GALNTL6: variants seen among roughly 807,000 people sequenced by gnomAD.
GALNTL6 encodes polypeptide N-acetylgalactosaminyltransferase-like 6.
A neutral mutation model predicts 73.7 loss-of-function variants in GALNTL6; 46 were observed. The observed-to-expected ratio is 0.62, with a 90% CI of 0.49 to 0.80. The LOEUF (loss-of-function observed/expected upper bound fraction) is 0.80. Ranked by LOEUF, GALNTL6 falls within the 30% of genes least tolerant of loss-of-function variation. GALNTL6 has a pLI of 0.00. For synonymous variants in GALNTL6, 259 were observed against 263.7 expected, an observed-to-expected ratio of 0.98 and a Z score of 0.17; for missense variants, 604 against 755.0, an observed-to-expected ratio of 0.80 and a Z score of 2.34.
chr4:172,227,462 C>A (rs1279293436), intron 2 of GALNTL6, among the ~76,000 whole-genome samples: 2 of 152,084 alleles, frequency 1.3e-5, no homozygotes, highest in Non-Finnish European at 2.9e-5. Context: ...AGTGGATGGC[C>A]CTCAGAAATC....
In GALNTL6 at chr4:172,609,282, G is replaced by T. The variant is rs142929503; in HGVS notation, c.554-200079G>T. Among the ~76,000 whole-genome samples the T allele has an allele frequency of 3.2e-3, 485 of 152,252 alleles. 5 individuals carry two copies. Among genetic ancestry groups the T allele is most frequent in the African/African-American group, 0.011 (461 of 41,560 alleles). On this transcript the variant is annotated intron_variant, in intron 5 of 12. Transcript: ENST00000506823. ...TCATTATGATGTTAACTGTAGGTTT[G>T]TCATAGATGGCTCTTATTATTCTGA...
chr4:172,334,475 T>C (rs778597144), intron 4 of GALNTL6, among the ~76,000 whole-genome samples: 1 of 152,202 alleles, frequency 6.6e-6, no homozygotes, highest in Non-Finnish European at 1.5e-5. Flanking sequence ...TTTGGTAAAA[T>C]TTATTCTTAG....
chr4:172,815,210 A>G (rs1463947533), intron 7 of GALNTL6, among the ~76,000 whole-genome samples: 4 of 152,316 alleles, frequency 2.6e-5, no homozygotes, highest in Middle Eastern at 3.4e-3. Context: ...CCATTCGACA[A>G]TATGTACGTA....
At chr4:172,266,732 A>AT (rs1279034095) in intron 3 of GALNTL6, among the ~76,000 whole-genome samples, 1 of 151,972 alleles carries the variant, frequency 6.6e-6, no homozygotes, top group East Asian at 1.9e-4. Context: ...AGCTATTTCC[A>AT]TTTTTATGGC....
chr4:172,487,371 T>TTTC (rs1733732832), intron 5 of GALNTL6, among the ~76,000 whole-genome samples: 1 of 145,370 alleles, frequency 6.9e-6, no homozygotes, highest in African/African-American at 2.6e-5. Context: ...TCTTTCCTTC[T>TTTC]TTTCTTTTCT....
intron 2 of GALNTL6, among the ~76,000 whole-genome samples, chr4:171,980,036 AATAAAC>A (rs1739850314): frequency 6.6e-6 from 1 of 152,208 alleles, no homozygotes; most frequent in Admixed American, 6.5e-5. Context: ...TAGTTGCTTT[AATAAAC>A]CAAGGCAAAA....
At chr4:172,263,017 G>T (rs1237647332) in intron 3 of GALNTL6, among the ~76,000 whole-genome samples, 7 of 151,376 alleles carry the variant, frequency 4.6e-5, no homozygotes, top group African/African-American at 1.7e-4. Flanking sequence ...TCTTGTATAA[G>T]TTACCTGAAT....
chr4:172,371,596 CCT>C (rs1348695854), intron 5 of GALNTL6, among the ~76,000 whole-genome samples: 16 of 151,712 alleles, frequency 1.1e-4, no homozygotes, highest in Non-Finnish European at 2.1e-4. Context: ...TTTGTCTCTT[CCT>C]CTCTTTCCTT....
chr4:172,395,151 C>A (rs563867502), intron 5 of GALNTL6, among the ~76,000 whole-genome samples: 1 of 152,262 alleles, frequency 6.6e-6, no homozygotes, highest in Non-Finnish European at 1.5e-5. Context: ...TGTTAATTAA[C>A]TTATGTCCAA....
chr4:172,784,373 A>G (rs1739537673), intron 5 of GALNTL6, among the ~76,000 whole-genome samples: 1 of 152,192 alleles, frequency 6.6e-6, no homozygotes, highest in Non-Finnish European at 1.5e-5. Flanking sequence ...CAGAAGCAGT[A>G]TTAAAACTTT....
At chr4:172,152,461 A>G (rs1734120312) in intron 2 of GALNTL6, among the ~76,000 whole-genome samples, 1 of 152,200 alleles carries the variant, frequency 6.6e-6, no homozygotes, top group Admixed American at 6.5e-5. Context: ...TCATGCCCAC[A>G]CTCACATGTG....
chr4:172,018,628 A>G (rs1026917893), intron 2 of GALNTL6, among the ~76,000 whole-genome samples: 1 of 152,038 alleles, frequency 6.6e-6, no homozygotes, highest in East Asian at 1.9e-4. Flanking sequence ...CCCAGGCCAT[A>G]AGCTTCAATG....
At chr4:172,893,034 C>A (rs1194942514) in intron 8 of GALNTL6, among the ~76,000 whole-genome samples, 2 of 152,144 alleles carry the variant, frequency 1.3e-5, no homozygotes, top group Non-Finnish European at 2.9e-5. Flanking sequence ...CATGTGGCAC[C>A]CACGGCCTGC....
intron 5 of GALNTL6, among the ~76,000 whole-genome samples, chr4:172,671,248 C>T (rs1013091306): frequency 6.6e-6 from 1 of 152,078 alleles, no homozygotes; most frequent in African/African-American, 2.4e-5. Flanking sequence ...GGCAGAATGG[C>T]CATTTTTATG....
At chr4:172,486,054 C>T (rs1733653309) in intron 5 of GALNTL6, among the ~76,000 whole-genome samples, 1 of 152,156 alleles carries the variant, frequency 6.6e-6, no homozygotes, top group African/African-American at 2.4e-5. Flanking sequence ...TGACAGGTAG[C>T]ATCTAAACTG....
chr4:172,627,748 G>A (rs1739223495), intron 5 of GALNTL6, among the ~76,000 whole-genome samples: 1 of 151,672 alleles, frequency 6.6e-6, no homozygotes, highest in Non-Finnish European at 1.5e-5. Context: ...TGTGTTTCTG[G>A]GAGTTTATCC....
At chr4:172,720,873 C>G (rs992492588) in intron 5 of GALNTL6, among the ~76,000 whole-genome samples, 2 of 152,050 alleles carry the variant, frequency 1.3e-5, no homozygotes, top group African/African-American at 4.8e-5. Context: ...TTTGTTTTAT[C>G]CTTTGGGAGA....
chr4:172,138,321 T>C (rs770818435), intron 2 of GALNTL6, among the ~76,000 whole-genome samples: 12 of 150,536 alleles, frequency 8.0e-5, no homozygotes, highest in African/African-American at 1.2e-4. Flanking sequence ...TTTTAGGTGT[T>C]ACATGTTATT....
intron 8 of GALNTL6, among the ~76,000 whole-genome samples, chr4:172,913,889 G>T (rs1747354332): frequency 6.6e-6 from 1 of 152,026 alleles, no homozygotes; most frequent in Admixed American, 6.6e-5. Context: ...GAAATACAGA[G>T]AATGCCACAA....
Sources: gnomAD v4.1 joint callset for allele counts (sites outside exome capture counted in the v4.1 genomes callset) on GRCh38, gnomAD v4.1.1 for gene constraint, MANE v1.5 for transcripts, NCBI Gene and HGNC (gene_info 2026-07-23, HGNC 2026-07-21) for gene names.